Variants in APOBEC3G observed in about 807,000 individuals in gnomAD.
The protein encoded by APOBEC3G is DNA dC->dU-editing enzyme APOBEC-3G.
APOBEC3G carries 44 observed loss-of-function variants against 50.0 expected under a neutral mutation model. The observed-to-expected ratio is 0.88, with a 90% CI of 0.69 to 1.13. The LOEUF is 1.13. Among genes scored for constraint, APOBEC3G ranks in the 50% most tolerant of loss-of-function variants. The probability of loss-of-function intolerance (pLI) is 0.00; values close to 1 mark genes in which losing one functional copy is unlikely to be tolerated. For missense variants in APOBEC3G, 469 were observed against 492.0 expected, an observed-to-expected ratio of 0.95 and a Z score of 0.44; for synonymous variants, 156 against 175.3, an observed-to-expected ratio of 0.89 and a Z score of 0.87.
In APOBEC3G at chr22:39,083,722, A is replaced by C. The variant is rs1175218914; in HGVS notation, c.582-9A>C. On this transcript the variant is annotated splice_polypyrimidine_tract_variant and intron_variant, in intron 4 of 7. Coordinates refer to ENST00000407997, the MANE Select transcript of APOBEC3G (RefSeq NM_021822.4). ...TCTTACTCCTCTGGGCTTTTCCCCC[A>C]CTTTCCAGACACTCGATGGATCCAC... 6.2e-7 allele frequency: 1 copy of C among 1,613,462 alleles called. No homozygotes were observed. The highest frequency in any genetic ancestry group is 1.1e-5 in the South Asian group (1 of 91,020).
At position 39,081,068 on chromosome 22, in the gene APOBEC3G, G is replaced by A; in HGVS notation, c.307G>A (p.Asp103Asn). The A allele has an allele frequency of 1.2e-6, 2 of 1,614,194 alleles. No individual in the cohort carries two copies. Among genetic ancestry groups the A allele is most frequent in the Non-Finnish European group, 1.7e-6 (2 of 1,180,044 alleles). The change falls in exon 3 of 8, where the codon GAT (aspartate) becomes AAT (asparagine). Residue 103 changes from aspartate (D) to asparagine (N), a missense_variant. Physicochemically the swap from Asp to Asn is conservative, Grantham distance 23 (BLOSUM62 1). Transcript: ENST00000407997. The part of the protein sequence containing the change: ...SWSPCTKCTR[D>N]MATFLAEDPK... The stretch of plus-strand genomic sequence containing the variant: ...GAGCCCCTGCACAAAGTGTACAAGG[G>A]ATATGGCCACGTTCCTGGCCGAGGA...
chr22:39,077,985 T>C (rs1928235631), intron 1 of APOBEC3G, among the ~76,000 whole-genome samples: 1 of 152,034 alleles, frequency 6.6e-6, no homozygotes, highest in Non-Finnish European at 1.5e-5. Flanking sequence ...AGTGGCCGGG[T>C]GCGGTGGCTC....
At chr22:39,084,217 G>T (rs956334349) in intron 5 of APOBEC3G, among the ~76,000 whole-genome samples, 1 of 152,142 alleles carries the variant, frequency 6.6e-6, no homozygotes, top group African/African-American at 2.4e-5. Context: ...CTGCACCAGG[G>T]CCAAGTGGGA....
chr22:39,080,058 G>T, intron 2 of APOBEC3G: 1 of 164,948 alleles, frequency 6.1e-6, no homozygotes, highest in South Asian at 1.9e-4. Flanking sequence ...AAAAAAAAAA[G>T]AAATGAGTGG....
In APOBEC3G at chr22:39,081,435, G is replaced by C. The variant is rs560821921; in HGVS notation, c.467-36G>C. 2.5e-6 allele frequency: 4 copies of C among 1,600,250 alleles called. No homozygotes were observed. The East Asian group carries it at 8.9e-5, about 36-fold the overall frequency. ...TCCCGAGGTCACAGAAGAGAGGCCA[G>C]CTGGGCTTGACTGCGTTCTCTCTTC... On this transcript the variant is annotated intron_variant, in intron 3 of 7. Coordinates refer to ENST00000407997, the MANE Select transcript of APOBEC3G (RefSeq NM_021822.4).
intron 6 of APOBEC3G, among the ~76,000 whole-genome samples, chr22:39,086,788 A>T (rs1015661345): frequency 2.6e-5 from 4 of 152,142 alleles, no homozygotes; most frequent in Admixed American, 2.0e-4. Context: ...GGTGGCTGGA[A>T]GTGGAAGCAG....
chr22:39,083,563 G>C (rs970919214), intron 4 of APOBEC3G, among the ~76,000 whole-genome samples, 168 bp from the exon 5 acceptor site: 7 of 152,152 alleles, frequency 4.6e-5, no homozygotes, highest in African/African-American at 1.7e-4. Flanking sequence ...GGGAGGTTTG[G>C]AGGCTCTAGC....
rs1928735168 is a variant in APOBEC3G, at chr22:39,087,176, C to T, written c.1140+50C>T. 2.5e-6 allele frequency: 4 copies of T among 1,612,432 alleles called. No homozygotes were observed. The African/African-American group carries it at 5.3e-5, about 22-fold the overall frequency. On this transcript the variant is annotated intron_variant, in intron 7 of 7. Transcript: ENST00000407997. ...GTGCCCCATCGGCCTCCCCCTCCTC[C>T]CCTCTCCCCTGCGCCGTGCCTTCCC... is the stretch of plus-strand genomic sequence containing the variant.
chr22:39,086,236 C>CAA (rs112871176), intron 5 of APOBEC3G, 43 bp from the exon 6 acceptor site: 98 of 1,150,452 alleles, frequency 8.5e-5, no homozygotes, highest in East Asian at 1.4e-4. Context: ...AACTCTGTCT[C>CAA]AAAAAAAAAA....
At chr22:39,086,957 T>C in intron 6 of APOBEC3G, 54 bp from the exon 7 acceptor site, 2 of 1,549,430 alleles carry the variant, frequency 1.3e-6, no homozygotes, top group Non-Finnish European at 1.7e-6. Flanking sequence ...GGGCCTTTGG[T>C]GCCACCACGA....
chr22:39,081,771 G>A, intron 4 of APOBEC3G, 186 bp downstream of exon 4: 2 of 552,850 alleles, frequency 3.6e-6, no homozygotes, highest in South Asian at 2.2e-5. Flanking sequence ...CCACCTCCCT[G>A]CCTCCCACCT....
At position 39,087,019 on chromosome 22, in the gene APOBEC3G, C is replaced by T. The variant is rs1329538204; in HGVS notation, c.1033C>T (p.His345Tyr). 6.2e-7 allele frequency: 1 copy of T among 1,604,862 alleles called. No individual in the cohort carries two copies. Among genetic ancestry groups the T allele is most frequent in the African/African-American group, 1.3e-5 (1 of 74,844 alleles). The stretch of plus-strand genomic sequence containing the variant: ...CCCCTGTCCCTTTTCAGAATTTAAG[C>T]ACTGCTGGGACACCTTTGTGGACCA... ...ISIMTYSEFKHCWDTFVDHQG... is the reference protein window; with the variant it reads ...ISIMTYSEFKYCWDTFVDHQG... The change falls in exon 7 of 8, where the codon CAC becomes TAC. Residue 345 changes from histidine (H) to tyrosine (Y), a missense_variant. Physicochemically the swap from His to Tyr is moderately conservative, Grantham distance 83. Coordinates refer to ENST00000407997, the MANE Select transcript of APOBEC3G (RefSeq NM_021822.4).
At chr22:39,086,945 A>T in intron 6 of APOBEC3G, 66 bp from the exon 7 acceptor site, 1 of 1,537,916 alleles carries the variant, frequency 6.5e-7, no homozygotes, top group Non-Finnish European at 8.8e-7. Flanking sequence ...CTTGAGAGTC[A>T]TGGGCCTTTG....
chr22:39,081,265 C>T, intron 3 of APOBEC3G, 38 bp downstream of exon 3: 1 of 1,600,414 alleles, frequency 6.2e-7, no homozygotes, highest in African/African-American at 1.3e-5. Context: ...GGAGAGACTG[C>T]TTAAGTGTCT....
chr22:39,083,641 G>A, intron 4 of APOBEC3G, 90 bp from the exon 5 acceptor site: 1 of 1,449,220 alleles, frequency 6.9e-7, no homozygotes, highest in African/African-American at 1.4e-5. Context: ...AAGGAGGGTG[G>A]GGTGCAAGGG....
chr22:39,077,572 T>C (rs1190301364), intron 1 of APOBEC3G, among the ~76,000 whole-genome samples, 194 bp downstream of exon 1: 3 of 152,052 alleles, frequency 2.0e-5, no homozygotes, highest in Non-Finnish European at 4.4e-5. Context: ...TGCTTCTGAA[T>C]GGGCCGCCTC....
At position 39,083,734 on chromosome 22, in the gene APOBEC3G, C is replaced by T. The variant is rs1329423165; in HGVS notation, c.585C>T (p.His195=). 3.1e-6 allele frequency: 5 copies of T among 1,613,744 alleles called. No homozygotes were observed. The highest frequency in any genetic ancestry group is 4.2e-6 in the Non-Finnish European group (5 of 1,179,780). The change falls in exon 5 of 8, where the codon CAC becomes CAT. Residue 195 remains histidine (H), a synonymous_variant. Coordinates refer to ENST00000407997, the MANE Select transcript of APOBEC3G (RefSeq NM_021822.4). Reference sequence around the variant, plus strand: ...GGGCTTTTCCCCCACTTTCCAGACACTCGATGGATCCACCCACATTCACTT... The same window carrying T: ...GGGCTTTTCCCCCACTTTCCAGACATTCGATGGATCCACCCACATTCACTT... ...LHIMLGEILR[H]SMDPPTFTFN... is the part of the protein sequence containing the mutation.
At chr22:39,082,258 G>T in intron 4 of APOBEC3G, 1 of 152,568 alleles carries the variant, frequency 6.6e-6, no homozygotes, top group Non-Finnish European at 1.5e-5. Context: ...TGTCCTCCTC[G>T]TTTATGGACC....
chr22:39,084,343 C>T (rs564271505), intron 5 of APOBEC3G, among the ~76,000 whole-genome samples: 21 of 152,194 alleles, frequency 1.4e-4, no homozygotes, highest in African/African-American at 4.8e-4. Context: ...CTGGCTAACA[C>T]GGTGAAACCC....
Sources: allele counts gnomAD v4.1 joint callset (sites outside exome capture counted in the v4.1 genomes callset), GRCh38; gene constraint gnomAD v4.1.1; transcripts MANE v1.5; gene names NCBI Gene and HGNC (gene_info 2026-07-23, HGNC 2026-07-21).